Variants in MAMLD1 observed in about 807,000 individuals in gnomAD.
The protein encoded by MAMLD1 is mastermind-like domain-containing protein 1.
MAMLD1 carries 14 observed loss-of-function variants against 45.0 expected under a neutral mutation model. The ratio of observed to expected loss-of-function variants is 0.31; its 90% CI spans 0.21 to 0.49. MAMLD1 has a LOEUF of 0.49. MAMLD1 is among the 20% of genes least tolerant of loss of function. The probability of loss-of-function intolerance (pLI) is 0.99; values close to 1 mark genes in which losing one functional copy is unlikely to be tolerated. For missense variants in MAMLD1, 543 were observed against 603.6 expected, an observed-to-expected ratio of 0.90 and a Z score of 1.05; for synonymous variants, 254 against 247.8, an observed-to-expected ratio of 1.02 and a Z score of -0.24.
At chrX:150,468,411 G>A (rs1365830417) in intron 3 of MAMLD1, among the ~76,000 whole-genome samples, 1 of 111,281 alleles carries the variant, frequency 9.0e-6, no homozygotes, top group Non-Finnish European at 1.9e-5. Context: ...TTCCAAAGCT[G>A]GAAAGGGGTT....
chrX:150,445,130 G>A (rs2035444784), intron 1 of MAMLD1, among the ~76,000 whole-genome samples: 1 of 112,208 alleles, frequency 8.9e-6, no homozygotes, highest in Admixed American at 9.4e-5. Context: ...AGCAAATCCA[G>A]ACGTAGGACC....
At chrX:150,450,780 T>C (rs2035637420) in intron 2 of MAMLD1, among the ~76,000 whole-genome samples, 1 of 112,018 alleles carries the variant, frequency 8.9e-6, no homozygotes, top group Admixed American at 9.4e-5. Context: ...TGCCACAGTC[T>C]CATCAGCAGC....
intron 3 of MAMLD1, among the ~76,000 whole-genome samples, chrX:150,469,093 C>T (rs189159547): frequency 9.0e-6 from 1 of 111,143 alleles, no homozygotes; most frequent in Admixed American, 9.6e-5. Context: ...AAACAGCTCC[C>T]CAAGAAAACA....
chrX:150,397,468 GA>G (rs1429797804), intron 1 of MAMLD1, among the ~76,000 whole-genome samples: 1 of 111,223 alleles, frequency 9.0e-6, no homozygotes, highest in African/African-American at 3.3e-5. Context: ...TTCTAAGGAT[GA>G]TTTTTTTTGT....
At chrX:150,499,194 C>G (rs1374816328) in intron 5 of MAMLD1, among the ~76,000 whole-genome samples, 2 of 111,989 alleles carry the variant, frequency 1.8e-5, no homozygotes, top group African/African-American at 3.2e-5. Context: ...TGGGTTTTCT[C>G]TGCTCATTTC....
intron 6 of MAMLD1, among the ~76,000 whole-genome samples, chrX:150,505,431 C>G (rs1039273316): frequency 1.8e-5 from 2 of 112,119 alleles, no homozygotes; most frequent in East Asian, 5.6e-4. Flanking sequence ...TATCCCCATG[C>G]CCGGAACAGA....
chrX:150,397,367 C>G (rs1479951786), intron 1 of MAMLD1, among the ~76,000 whole-genome samples: 16 of 112,210 alleles, frequency 1.4e-4, no homozygotes, highest in African/African-American at 5.2e-4. Context: ...CAAGGTGTGT[C>G]TTTCCATTCA....
intron 1 of MAMLD1, among the ~76,000 whole-genome samples, chrX:150,381,808 C>T (rs1310175036): frequency 8.9e-6 from 1 of 111,921 alleles, no homozygotes; most frequent in Non-Finnish European, 1.9e-5. Context: ...TATTTTTCAT[C>T]CATATAACTT....
Position 150,512,608 on chromosome X carries a change from G to C in MAMLD1, c.*649G>C. On this transcript the variant is annotated 3_prime_UTR_variant, in exon 8 of 8. Coordinates refer to ENST00000370401, the MANE Select transcript of MAMLD1 (RefSeq NM_005491.5). ...TGGCCAACAACCCCAGCTTCAGCCT[G>C]CTGGGCAGCCAGAGCCTCAGGCAGA... The C allele has an allele frequency of 8.7e-7, 1 of 1,151,819 alleles. No homozygotes were observed. Among genetic ancestry groups the C allele is most frequent in the Non-Finnish European group, 1.1e-6 (1 of 870,110 alleles). 94.9% of individuals were successfully genotyped at this position (1,151,819 alleles called of 1,213,427 possible).
chrX:150,510,636 A>G (rs782373253), intron 7 of MAMLD1, among the ~76,000 whole-genome samples: 1 of 112,225 alleles, frequency 8.9e-6, no homozygotes, highest in South Asian at 3.7e-4. Context: ...TGTAGTTCCC[A>G]CTCCGTGGAG....
chrX:150,512,111 C>A lies in MAMLD1; in HGVS notation c.*152C>A. 1.7e-6 allele frequency: 2 copies of A among 1,152,268 alleles called. No individual in the cohort carries two copies. Among genetic ancestry groups the A allele is most frequent in the South Asian group, 3.8e-5 (2 of 52,029 alleles). 95.0% of individuals were successfully genotyped at this position (1,152,268 alleles called of 1,213,427 possible). On this transcript the variant is annotated 3_prime_UTR_variant, in exon 8 of 8. Coordinates refer to ENST00000370401, the MANE Select transcript of MAMLD1 (RefSeq NM_005491.5). ...TGGGCTTCTTCAGAACAATCTGAGT[C>A]CAGGAATGATCCCACTCACCAGGCA...
At chrX:150,485,588 A>G in intron 5 of MAMLD1, among the ~76,000 whole-genome samples, 1 of 112,154 alleles carries the variant, frequency 8.9e-6, no homozygotes, top group Non-Finnish European at 1.9e-5. Flanking sequence ...TTTTCTTCAC[A>G]GAAACCCACA....
At chrX:150,417,417 C>A (rs1325413825) in intron 1 of MAMLD1, among the ~76,000 whole-genome samples, 1 of 105,872 alleles carries the variant, frequency 9.4e-6, no homozygotes, top group Non-Finnish European at 1.9e-5. Flanking sequence ...CATTGTTGGA[C>A]ATTTGGGTTG....
At chrX:150,475,979 T>C (rs183443472) in intron 5 of MAMLD1, among the ~76,000 whole-genome samples, 2 of 112,111 alleles carry the variant, frequency 1.8e-5, no homozygotes, top group Admixed American at 9.4e-5. Context: ...TCTGAAGCAG[T>C]GTTTCATTAC....
chrX:150,439,647 T>C (rs1602806456), intron 1 of MAMLD1, among the ~76,000 whole-genome samples: 1 of 111,695 alleles, frequency 9.0e-6, no homozygotes, highest in African/African-American at 3.3e-5. Flanking sequence ...GATTAATGGG[T>C]TTAGGGGCCA....
At chrX:150,398,779 G>T (rs1410535568) in intron 1 of MAMLD1, among the ~76,000 whole-genome samples, 1 of 111,239 alleles carries the variant, frequency 9.0e-6, no homozygotes, top group Admixed American at 9.5e-5. Flanking sequence ...GCAGCCTTAT[G>T]GTGTAATTAT....
At chrX:150,486,797 G>GA (rs782807784) in intron 5 of MAMLD1, among the ~76,000 whole-genome samples, 14 of 110,458 alleles carry the variant, frequency 1.3e-4, no homozygotes, top group South Asian at 3.8e-4. Flanking sequence ...GCAATAAAAA[G>GA]AAAAAAAAAT....
Position 150,512,147 on chromosome X carries a change from G to A in MAMLD1, c.*188G>A, listed in dbSNP as rs782337643. 230 of 1,148,987 alleles carry A rather than the reference G, an allele frequency of 2.0e-4. No individual in the cohort carries two copies. The highest frequency in any genetic ancestry group is 2.4e-4 in the Non-Finnish European group (212 of 869,611). 94.7% of individuals were successfully genotyped at this position (1,148,987 alleles called of 1,213,427 possible). The stretch of plus-strand genomic sequence containing the variant: ...CCCACTCACCAGGCACCAGAGCTGC[G>A]AGGGCATGGGAGTGATCTCACCAAC... On this transcript the variant is annotated 3_prime_UTR_variant, in exon 8 of 8. Coordinates refer to ENST00000370401, the MANE Select transcript of MAMLD1 (RefSeq NM_005491.5).
intron 2 of MAMLD1, 112 bp downstream of exon 2, chrX:150,445,724 C>T (rs976512769): frequency 3.1e-5 from 17 of 553,090 alleles, no homozygotes; most frequent in Non-Finnish European, 4.8e-5. Flanking sequence ...AGGGATCCAA[C>T]TCAAAATATA....
Sources: gnomAD v4.1 joint callset for allele counts (sites outside exome capture counted in the v4.1 genomes callset) on GRCh38, gnomAD v4.1.1 for gene constraint, MANE v1.5 for transcripts, NCBI Gene and HGNC (gene_info 2026-07-23, HGNC 2026-07-21) for gene names.